The following SGCD variants were observed in gnomAD, a reference collection of about 807,000 sequenced individuals.
The protein encoded by SGCD is sarcoglycan delta.
A neutral mutation model predicts 36.6 loss-of-function variants in SGCD; 18 were observed. The observed-to-expected ratio is 0.49, with a 90% CI of 0.34 to 0.73. SGCD has a LOEUF of 0.73. SGCD is among the 30% of genes least tolerant of loss of function. SGCD has a pLI of 0.01. For missense variants in SGCD, 387 were observed against 346.7 expected (o/e 1.12, Z -0.92); for synonymous variants, 133 against 130.6 (o/e 1.02, Z -0.12).
At chr5:156,638,159 C>T (rs951489707) in intron 6 of SGCD, among the ~76,000 whole-genome samples, 1 of 151,526 alleles carries the variant, frequency 6.6e-6, no homozygotes, top group Non-Finnish European at 1.5e-5. Flanking sequence ...TCACTGGTAT[C>T]CATTGACCAT....
chr5:155,977,779 A>G (rs1458938766), intron 1 of SGCD, among the ~76,000 whole-genome samples: 1 of 152,208 alleles, frequency 6.6e-6, no homozygotes. Flanking sequence ...GGATATTTTC[A>G]TAAGTGGGTA....
At chr5:156,047,092 A>C (rs1168213708) in intron 1 of SGCD, among the ~76,000 whole-genome samples, 1 of 152,194 alleles carries the variant, frequency 6.6e-6, no homozygotes, top group Middle Eastern at 3.2e-3. Context: ...GCCAAAGCTT[A>C]ACCCATAACA....
chr5:156,089,967 C>G lies in SGCD; in HGVS notation c.-281-27911C>G, dbSNP rs150287719. Among the ~76,000 whole-genome samples, 686 of 152,234 alleles carry G rather than the reference C, an allele frequency of 4.5e-3. 3 individuals are homozygous for G. The highest frequency in any genetic ancestry group is 8.0e-3 in the Admixed American group (122 of 15,294). On this transcript the variant is annotated intron_variant, in intron 1 of 9. Transcript: ENST00000517913. ...TACTAAAGCCCCAGACCCTGGGGCACTTTTCATCTTTCTCAGTGGAATGGA... is the reference window on the plus strand; with the variant it reads ...TACTAAAGCCCCAGACCCTGGGGCAGTTTTCATCTTTCTCAGTGGAATGGA...
chr5:155,767,315 G>C, the SGCD span, among the ~76,000 whole-genome samples: 38 of 152,118 alleles, frequency 2.5e-4, no homozygotes, highest in African/African-American at 9.2e-4. Flanking sequence ...ACTTCCCCTT[G>C]GGGATCCATT....
At chr5:156,241,487 T>G (rs1211440867) in intron 3 of SGCD, among the ~76,000 whole-genome samples, 1 of 152,188 alleles carries the variant, frequency 6.6e-6, no homozygotes, top group Non-Finnish European at 1.5e-5. Context: ...CAAGAACATG[T>G]ATGCATAAAC....
At chr5:156,428,899 T>C (rs1375793101) in intron 3 of SGCD, among the ~76,000 whole-genome samples, 1 of 152,144 alleles carries the variant, frequency 6.6e-6, no homozygotes, top group Non-Finnish European at 1.5e-5. Flanking sequence ...TCAGAGAAGA[T>C]ACTTGATGTG....
chr5:156,447,967 A>C (rs1301940991), intron 3 of SGCD, among the ~76,000 whole-genome samples: 1 of 152,186 alleles, frequency 6.6e-6, no homozygotes, highest in African/African-American at 2.4e-5. Context: ...AATGAGGATC[A>C]GTGAGATTAA....
the SGCD span, among the ~76,000 whole-genome samples, chr5:155,738,629 A>G: frequency 6.6e-6 from 1 of 151,914 alleles, no homozygotes; most frequent in East Asian, 1.9e-4. Flanking sequence ...TCTGAGAGAG[A>G]GAGTCTGTGA....
In SGCD at chr5:156,121,517, G is replaced by A. The variant is rs369267165; in HGVS notation, c.-207-2339G>A. Among the ~76,000 whole-genome samples, 40 of 152,138 alleles carry A rather than the reference G, an allele frequency of 2.6e-4. 1 individual carries two copies. In the South Asian group the frequency reaches 7.7e-3, roughly 29 times the overall value. On this transcript the variant is annotated intron_variant, in intron 2 of 9. Coordinates refer to the SGCD transcript ENST00000517913. Reference sequence around the variant, plus strand: ...ATTTCCTAACCACTTTTAGACTACTGAGGATAAGGGAGCCTTTTATCAGTT... The same window carrying A: ...ATTTCCTAACCACTTTTAGACTACTAAGGATAAGGGAGCCTTTTATCAGTT...
At chr5:156,646,375 G>A (rs1428813387) in intron 6 of SGCD, among the ~76,000 whole-genome samples, 1 of 152,128 alleles carries the variant, frequency 6.6e-6, no homozygotes, top group African/African-American at 2.4e-5. Flanking sequence ...TACTCCCATA[G>A]AAGCATCAGT....
At chr5:155,921,038 G>A (rs188856822) in intron 1 of SGCD, among the ~76,000 whole-genome samples, 43 of 152,184 alleles carry the variant, frequency 2.8e-4, no homozygotes, top group African/African-American at 1.0e-3. Flanking sequence ...CAGGGCCTTG[G>A]GCAATACCAA....
chr5:156,731,354 G>A (rs996232222), intron 7 of SGCD, among the ~76,000 whole-genome samples: 2 of 152,074 alleles, frequency 1.3e-5, no homozygotes, highest in Non-Finnish European at 2.9e-5. Context: ...TGTTTTCCAG[G>A]GTTTTCAGAG....
chr5:156,569,627 A>G (rs899418610), intron 4 of SGCD, among the ~76,000 whole-genome samples: 2 of 151,844 alleles, frequency 1.3e-5, no homozygotes, highest in Admixed American at 1.3e-4. Flanking sequence ...AAAATAGACA[A>G]TCAGACTTAT....
At chr5:156,408,172 A>G (rs774009630) in intron 3 of SGCD, among the ~76,000 whole-genome samples, 20 of 152,122 alleles carry the variant, frequency 1.3e-4, no homozygotes, top group Admixed American at 4.6e-4. Flanking sequence ...TTGTCTTTTC[A>G]TCTTGAAGTA....
chr5:155,884,042 T>C (rs535298072), intron 1 of SGCD, among the ~76,000 whole-genome samples: 1 of 152,270 alleles, frequency 6.6e-6, no homozygotes. Flanking sequence ...CTCCCACTAA[T>C]AGTTTTTCAA....
intron 3 of SGCD, among the ~76,000 whole-genome samples, chr5:156,259,122 A>G (rs545779569): frequency 2.8e-4 from 42 of 150,050 alleles, no homozygotes; most frequent in African/African-American, 1.0e-3. Context: ...CTGTTTATTT[A>G]TTTATTTATT....
intron 1 of SGCD, among the ~76,000 whole-genome samples, chr5:156,048,157 A>C (rs1282938218): frequency 2.6e-5 from 4 of 152,030 alleles, no homozygotes; most frequent in Non-Finnish European, 4.4e-5. Context: ...TGAACTCATC[A>C]TTTTTTATGA....
At chr5:155,828,613 T>C in the SGCD span, among the ~76,000 whole-genome samples, 40 of 152,218 alleles carry the variant, frequency 2.6e-4, no homozygotes, top group Non-Finnish European at 5.1e-4. Context: ...ACTTCTGATG[T>C]TGAAAAACTC....
At chr5:156,569,375 T>A (rs1225053764) in intron 4 of SGCD, among the ~76,000 whole-genome samples, 1 of 151,966 alleles carries the variant, frequency 6.6e-6, no homozygotes, top group Non-Finnish European at 1.5e-5. Context: ...GCGGATCACC[T>A]GAGGTGAGGA....
Sources: gnomAD v4.1 joint callset for allele counts (sites outside exome capture counted in the v4.1 genomes callset) on GRCh38, gnomAD v4.1.1 for gene constraint, MANE v1.5 for transcripts, NCBI Gene and HGNC (gene_info 2026-07-23, HGNC 2026-07-21) for gene names.